Variants in PLEKHA7 observed in about 807,000 individuals in gnomAD.
The protein encoded by PLEKHA7 is pleckstrin homology domain containing A7, also known as pleckstrin homology domain-containing family A member 7.
A neutral mutation model predicts 170.0 loss-of-function variants in PLEKHA7; 104 were observed. The ratio of observed to expected loss-of-function variants is 0.61; its 90% confidence interval spans 0.52 to 0.72. PLEKHA7 has a LOEUF of 0.72. PLEKHA7 is among the 30% of genes least tolerant of loss of function. The pLI is 0.00. For synonymous variants in PLEKHA7, 648 were observed against 660.8 expected (o/e 0.98, Z 0.30); for missense variants, 1,615 against 1,671.7 (o/e 0.97, Z 0.59).
chr11:16,813,282 C>A (rs1232854662), intron 12 of PLEKHA7, 116 bp from the exon 13 acceptor site: 3 of 768,902 alleles, frequency 3.9e-6, no homozygotes, highest in African/African-American at 3.4e-5. Context: ...GGAACCACAG[C>A]AGACCAACAC....
At chr11:16,831,740 T>A (rs1448517825) in intron 9 of PLEKHA7, among the ~76,000 whole-genome samples, 2 of 152,250 alleles carry the variant, frequency 1.3e-5, no homozygotes, top group African/African-American at 4.8e-5. Flanking sequence ...AGTTTCAAGT[T>A]CCTCATCTAT....
At chr11:16,889,428 T>A (rs1263930907) in intron 3 of PLEKHA7, among the ~76,000 whole-genome samples, 1,078 of 94,562 alleles carry the variant, frequency 0.011, 6 homozygotes, top group Middle Eastern at 0.019. Context: ...AAAATATATA[T>A]ATATATATAT....
rs1863440046 is a variant in PLEKHA7 at position 16,981,717 on chromosome 11, GCC to G, written c.221+32270_221+32271del. On this transcript the variant is annotated intron_variant, in intron 3 of 26. Coordinates refer to ENST00000531066, the MANE Select transcript of PLEKHA7 (RefSeq NM_001329630.2). ...AAAATGAAGGAATGAGGAGGAGTGG[GCC>G]ACCAGATCCCCACAGATTCCAGGGT... Among the ~76,000 whole-genome samples the G allele has an allele frequency of 2.6e-5, 4 of 151,952 alleles. No individual in the cohort carries two copies. The South Asian group carries it at 8.4e-4, about 32-fold the overall frequency.
intron 3 of PLEKHA7, among the ~76,000 whole-genome samples, chr11:16,972,488 T>C (rs896519828): frequency 6.6e-6 from 1 of 152,134 alleles, no homozygotes; most frequent in East Asian, 1.9e-4. Flanking sequence ...CACAGCTCAC[T>C]GCAGCCTCCA....
chr11:16,913,627 G>C (rs1185251100), intron 3 of PLEKHA7, among the ~76,000 whole-genome samples: 3 of 152,204 alleles, frequency 2.0e-5, no homozygotes, highest in Non-Finnish European at 4.4e-5. Flanking sequence ...ATGAGATTTA[G>C]GTTAGATTCA....
intron 26 of PLEKHA7, among the ~76,000 whole-genome samples, chr11:16,782,258 C>A (rs1849088391): frequency 6.6e-6 from 1 of 152,118 alleles, no homozygotes; most frequent in African/African-American, 2.4e-5. Flanking sequence ...TACTTTCTGG[C>A]ACAGTACACT....
At position 16,964,934 on chromosome 11, in the gene PLEKHA7, G is replaced by A. The variant is rs1862278789; in HGVS notation, c.221+49055C>T. Among the ~76,000 whole-genome samples the A allele has an allele frequency of 1.3e-5, 2 of 151,240 alleles. 1 individual carries two copies. The highest frequency in any genetic ancestry group is 4.2e-4 in the South Asian group (2 of 4,806). On this transcript the variant is annotated intron_variant, in intron 3 of 26. Coordinates refer to ENST00000531066, the MANE Select transcript of PLEKHA7 (RefSeq NM_001329630.2). Reference sequence around the variant, plus strand: ...GTGTTTTCATTAGCACAGCAGGTATGTATATAATTTATAAATGAGCATACA... The same window carrying A: ...GTGTTTTCATTAGCACAGCAGGTATATATATAATTTATAAATGAGCATACA...
At chr11:16,881,598 T>C (rs1855719645) in intron 3 of PLEKHA7, 1 of 152,172 alleles carries the variant, frequency 6.6e-6, no homozygotes, top group Admixed American at 6.5e-5. Context: ...GCACTTCATG[T>C]CTCTAGAATC....
chr11:16,849,864 G>C (rs933191423), intron 8 of PLEKHA7, among the ~76,000 whole-genome samples: 4 of 152,178 alleles, frequency 2.6e-5, no homozygotes, highest in Non-Finnish European at 5.9e-5. Context: ...CAATTCTGGA[G>C]TGACAGTAGC....
At chr11:16,986,277 C>T (rs1863721535) in intron 3 of PLEKHA7, among the ~76,000 whole-genome samples, 1 of 152,186 alleles carries the variant, frequency 6.6e-6, no homozygotes, top group Non-Finnish European at 1.5e-5. Flanking sequence ...GAACCATCTG[C>T]ACCGCTGCAG....
chr11:16,883,757 A>G (rs970639771), intron 3 of PLEKHA7, among the ~76,000 whole-genome samples: 5 of 152,180 alleles, frequency 3.3e-5, no homozygotes, highest in African/African-American at 1.2e-4. Flanking sequence ...GTATTAATAT[A>G]TAGCAACACT....
At chr11:16,830,549 A>C (rs562709833) in intron 9 of PLEKHA7, among the ~76,000 whole-genome samples, 1 of 152,364 alleles carries the variant, frequency 6.6e-6, no homozygotes, top group South Asian at 2.1e-4. Context: ...CAGACAGTGA[A>C]ACAAATATGC....
intron 3 of PLEKHA7, among the ~76,000 whole-genome samples, chr11:16,881,972 G>A (rs1455976439): frequency 2.0e-5 from 3 of 152,116 alleles, no homozygotes; most frequent in African/African-American, 7.2e-5. Flanking sequence ...AGGGCAGAGG[G>A]GTTAAAAAGA....
At chr11:16,813,207 C>A (rs1374587748) in intron 12 of PLEKHA7, 41 bp from the exon 13 acceptor site, 2 of 1,545,544 alleles carry the variant, frequency 1.3e-6, no homozygotes, top group Non-Finnish European at 1.8e-6. Flanking sequence ...GTTATGAACA[C>A]CAAGAGTTTC....
intron 25 of PLEKHA7, among the ~76,000 whole-genome samples, chr11:16,783,251 G>A (rs1377398471): frequency 1.3e-5 from 2 of 152,196 alleles, no homozygotes; most frequent in Non-Finnish European, 2.9e-5. Context: ...GAGGACCCCA[G>A]GCCAGCATCC....
chr11:16,955,743 G>A (rs1420731912), intron 3 of PLEKHA7, among the ~76,000 whole-genome samples: 1 of 152,130 alleles, frequency 6.6e-6, no homozygotes, highest in African/African-American at 2.4e-5. Context: ...TCTAGAATGG[G>A]GGCTTGGGGG....
chr11:16,916,414 T>C (rs996530303), intron 3 of PLEKHA7, among the ~76,000 whole-genome samples: 3 of 152,180 alleles, frequency 2.0e-5, no homozygotes, highest in Non-Finnish European at 4.4e-5. Flanking sequence ...CCTAAAGACC[T>C]GGATTCGAAT....
intron 9 of PLEKHA7, among the ~76,000 whole-genome samples, chr11:16,837,935 G>A (rs972967468): frequency 6.6e-6 from 1 of 152,118 alleles, no homozygotes; most frequent in African/African-American, 2.4e-5. Flanking sequence ...GTGACATAAG[G>A]GAAATTGGGC....
Position 16,871,130 on chromosome 11 carries a change from G to T in PLEKHA7, c.274C>A (p.Pro92Thr), listed in dbSNP as rs202123413. 1.7e-5 allele frequency: 28 copies of T among 1,607,918 alleles called. No homozygotes were observed. Among genetic ancestry groups the T allele is most frequent in the Non-Finnish European group, 2.3e-5 (27 of 1,174,620 alleles). ...TGAAGAATGAATTCACTATTTTCTG[G>T]AGAAAACTGTCCCGTCACAGGATGC... The part of the protein sequence containing the change: ...FRHPVTGQFS[P>T]ENSEFILQEE... Residue 92 changes from proline (P) to threonine (T), a missense_variant, in exon 4 of 27, where the codon CCA (proline) becomes ACA (threonine). Coordinates refer to ENST00000531066, the MANE Select transcript of PLEKHA7 (RefSeq NM_001329630.2).
Sources: gnomAD v4.1 joint callset for allele counts (sites outside exome capture counted in the v4.1 genomes callset) on GRCh38, gnomAD v4.1.1 for gene constraint, MANE v1.5 for transcripts, NCBI Gene and HGNC (gene_info 2026-07-23, HGNC 2026-07-21) for gene names.